PIK3R6: variants seen among roughly 807,000 people sequenced by gnomAD.
The protein encoded by PIK3R6 is phosphoinositide 3-kinase regulatory subunit 6.
A neutral mutation model predicts 84.9 loss-of-function variants in PIK3R6; 91 were observed. That is an observed-to-expected ratio of 1.07 (90% CI 0.90 to 1.28). The LOEUF is 1.28. Among genes scored for constraint, PIK3R6 ranks in the 50% most tolerant of loss-of-function variants. The pLI is 0.00. For synonymous variants in PIK3R6, 416 were observed against 411.4 expected (o/e 1.01, Z -0.13); for missense variants, 996 against 985.1 (o/e 1.01, Z -0.15).
At chr17:8,840,134 AAT>A (rs530778865) in intron 2 of PIK3R6, among the ~76,000 whole-genome samples, 220 of 147,562 alleles carry the variant, frequency 1.5e-3, no homozygotes, top group Middle Eastern at 3.8e-3. Flanking sequence ...ATATATATGA[AAT>A]ATATATAGCC....
intron 12 of PIK3R6, among the ~76,000 whole-genome samples, chr17:8,827,816 G>GAC (rs2087996451): frequency 8.1e-6 from 1 of 123,692 alleles, no homozygotes; most frequent in Non-Finnish European, 1.7e-5. Flanking sequence ...GAGAGAGAGA[G>GAC]ACCGCCCTGT....
Position 8,821,943 on chromosome 17 carries a change from AG to A in PIK3R6, c.1789-8del. ...GCCGGTGGCTAAGCAAGGCCTGAGG[AG>A]GGGGATCGAGGAACAGGTGGAGGTG... On this transcript the variant is annotated splice_region_variant and splice_polypyrimidine_tract_variant and intron_variant, in intron 16 of 19. Coordinates refer to ENST00000619866, the MANE Select transcript of PIK3R6 (RefSeq NM_001010855.4). The A allele has an allele frequency of 1.9e-6, 3 of 1,564,310 alleles. No individual in the cohort carries two copies. The highest frequency in any genetic ancestry group is 2.6e-6 in the Non-Finnish European group (3 of 1,152,858).
intron 9 of PIK3R6, among the ~76,000 whole-genome samples, chr17:8,830,592 C>T (rs1567590133): frequency 6.6e-6 from 1 of 152,234 alleles, no homozygotes; most frequent in Non-Finnish European, 1.5e-5. Context: ...ACACTGTAAT[C>T]ATTTCTCTGG....
In PIK3R6 at chr17:8,835,223, T is replaced by G. The variant is rs763465916; in HGVS notation, c.645+50A>C. The G allele has an allele frequency of 2.8e-6, 4 of 1,420,084 alleles. No homozygotes were observed. The South Asian group carries it at 5.9e-5, about 21-fold the overall frequency. 88.0% of individuals were successfully genotyped at this position (1,420,084 alleles called of 1,614,324 possible). A position where few individuals can be genotyped will look rare whatever the true frequency, so the allele number is the denominator to read the frequency against. ...GCAGGGTGAATGACTGGTATGGGCA[T>G]GCAGGGACGAGGGCTGGGACTGACA... On this transcript the variant is annotated intron_variant, in intron 8 of 19. Transcript: ENST00000619866.
rs1410517976 is a variant in PIK3R6, at chr17:8,839,220, C to T, written c.97+394G>A. ...AAAATTAGCAGGGCATGGTGGCACA[C>T]GCCTGTAATCTCAGCTACTTGGGAG... On this transcript the variant is annotated intron_variant, in intron 3 of 19. Transcript: ENST00000619866. This position sits in a 1 kb window ranked among gnomAD's most constrained non-coding sequence, Gnocchi z 4.2. Among the ~76,000 whole-genome samples, 22 of 152,028 alleles carry T rather than the reference C, an allele frequency of 1.4e-4. No homozygotes were observed. The highest frequency in any genetic ancestry group is 3.9e-4 in the African/African-American group (16 of 41,388).
chr17:8,804,405 G>A (rs991575870), intron 18 of PIK3R6, among the ~76,000 whole-genome samples: 2 of 152,198 alleles, frequency 1.3e-5, no homozygotes, highest in African/African-American at 2.4e-5. Flanking sequence ...AAACGGGAAT[G>A]CTGTGGATAG....
chr17:8,809,389 C>G (rs909058454), intron 18 of PIK3R6, among the ~76,000 whole-genome samples: 5 of 152,150 alleles, frequency 3.3e-5, no homozygotes, highest in Admixed American at 1.3e-4. Flanking sequence ...AACAATTACA[C>G]AAGACTGCAA....
At chr17:8,807,780 C>T (rs775056196) in intron 18 of PIK3R6, among the ~76,000 whole-genome samples, 4 of 152,070 alleles carry the variant, frequency 2.6e-5, no homozygotes, top group Non-Finnish European at 4.4e-5. Flanking sequence ...AGTTTTTCTG[C>T]CCCTGGAGAA....
chr17:8,854,296 A>C lies in PIK3R6; in HGVS notation c.-91-4411T>G, dbSNP rs191651360. On this transcript the variant is annotated intron_variant, in intron 1 of 19. Coordinates refer to ENST00000619866, the MANE Select transcript of PIK3R6 (RefSeq NM_001010855.4). ...CCCAGGTAGCTGGGACTACAGGCAC[A>C]CGCCACCATGCCCAGGTAATTTTTG... is the stretch of plus-strand genomic sequence containing the variant. Among the ~76,000 whole-genome samples, 198 of 152,160 alleles carry C rather than the reference A, an allele frequency of 1.3e-3. 2 individuals carry two copies. Among genetic ancestry groups the C allele is most frequent in the Non-Finnish European group, 2.5e-3 (168 of 68,000 alleles).
rs1377233931 is a variant in PIK3R6, at chr17:8,867,630, G to A, written c.-193C>T. 1 of 496,462 alleles carries A rather than the reference G, an allele frequency of 2.0e-6. No homozygotes were observed. Among genetic ancestry groups the A allele is most frequent in the African/African-American group, 1.9e-5 (1 of 51,650 alleles). 30.8% of individuals were successfully genotyped at this position (496,462 alleles called of 1,614,324 possible). ...CCAGAGAAGCAGATGTCTTGGGGGA[G>A]CCTCCACGGGTGTCTGTGGTCTTGA... is the stretch of plus-strand genomic sequence containing the variant. On this transcript the variant is annotated 5_prime_UTR_variant, in exon 1 of 20. Transcript: ENST00000619866.
chr17:8,814,006 C>T (rs1343672122), intron 18 of PIK3R6, among the ~76,000 whole-genome samples: 2 of 152,118 alleles, frequency 1.3e-5, no homozygotes, highest in East Asian at 3.8e-4. Flanking sequence ...CAGGCTTACC[C>T]ACCCCTCATC....
intron 9 of PIK3R6, among the ~76,000 whole-genome samples, chr17:8,830,115 G>C (rs908927430): frequency 6.6e-6 from 1 of 152,210 alleles, no homozygotes; most frequent in African/African-American, 2.4e-5. Context: ...CTGTGCAGCT[G>C]CCAGACTGGC....
intron 12 of PIK3R6, among the ~76,000 whole-genome samples, chr17:8,827,768 GAGAGAGA>G (rs2087988524): frequency 2.5e-5 from 2 of 79,362 alleles, no homozygotes; most frequent in South Asian, 8.0e-4. Context: ...AGAGAGGAGA[GAGAGAGA>G]GAGAGAGAGA....
At chr17:8,843,696 C>T (rs1056767212) in intron 2 of PIK3R6, among the ~76,000 whole-genome samples, 14 of 151,904 alleles carry the variant, frequency 9.2e-5, no homozygotes, top group African/African-American at 2.7e-4. Flanking sequence ...TTTTGCATAA[C>T]GTTTGGGTTT....
intron 18 of PIK3R6, among the ~76,000 whole-genome samples, chr17:8,812,805 A>G (rs559472197): frequency 1.3e-5 from 2 of 152,304 alleles, no homozygotes; most frequent in South Asian, 2.1e-4. Context: ...AAAAAGATGG[A>G]TCTCAAATCA....
intron 13 of PIK3R6, among the ~76,000 whole-genome samples, chr17:8,826,185 C>G (rs540067906): frequency 6.6e-6 from 1 of 152,328 alleles, no homozygotes; most frequent in South Asian, 2.1e-4. Flanking sequence ...GGGCACCTGC[C>G]TCTGGGCTGC....
intron 7 of PIK3R6, among the ~76,000 whole-genome samples, chr17:8,836,305 G>A (rs1367313280): frequency 6.6e-6 from 1 of 152,210 alleles, no homozygotes; most frequent in African/African-American, 2.4e-5. Flanking sequence ...TGTGAGCAGG[G>A]TAGCTTCCAA....
chr17:8,827,068 C>G (rs1313090324), intron 13 of PIK3R6, 104 bp downstream of exon 13: 2 of 1,351,428 alleles, frequency 1.5e-6, no homozygotes, highest in African/African-American at 1.5e-5. Flanking sequence ...CCCCTCTCAC[C>G]CCCATTTCAC....
intron 1 of PIK3R6, among the ~76,000 whole-genome samples, chr17:8,855,459 AAAT>A (rs1208870774): frequency 1.3e-5 from 2 of 152,218 alleles, no homozygotes; most frequent in East Asian, 3.8e-4. Context: ...CACATTAAAA[AAAT>A]GCTCAATGCT....
Sources: allele counts gnomAD v4.1 joint callset (sites outside exome capture counted in the v4.1 genomes callset), GRCh38; gene constraint gnomAD v4.1.1; non-coding constraint Gnocchi (gnomAD v3.1); transcripts MANE v1.5; gene names NCBI Gene and HGNC (gene_info 2026-07-23, HGNC 2026-07-21).